Variants in SNED1 observed in about 807,000 individuals in gnomAD.
The protein encoded by SNED1 is sushi, nidogen and EGF-like domain-containing protein 1.
SNED1 carries 81 observed loss-of-function variants against 166.7 expected under a neutral mutation model. The ratio of observed to expected loss-of-function variants is 0.49; its 90% CI spans 0.41 to 0.58. The LOEUF (loss-of-function observed/expected upper bound fraction) is 0.58. SNED1 is among the 20% of genes least tolerant of loss of function. The pLI is 0.00. For synonymous variants in SNED1, 762 were observed against 822.0 expected (o/e 0.93, Z 1.25); for missense variants, 1,604 against 2,000.2 (o/e 0.80, Z 3.78).
At chr2:241,086,239 T>G (rs998002149) in intron 29 of SNED1, among the ~76,000 whole-genome samples, 14 of 152,214 alleles carry the variant, frequency 9.2e-5, no homozygotes, top group African/African-American at 2.7e-4. Flanking sequence ...GTTCAACTCC[T>G]CAGTAGTTCT....
chr2:241,083,951 TTTCC>T (rs2063454278), intron 29 of SNED1, among the ~76,000 whole-genome samples: 1 of 139,880 alleles, frequency 7.1e-6, no homozygotes, highest in South Asian at 2.2e-4. Flanking sequence ...TTTTTTCTTT[TTTCC>T]TGCCTAATTT....
intron 8 of SNED1, among the ~76,000 whole-genome samples, chr2:241,046,971 C>T (rs1207827264): frequency 6.6e-6 from 1 of 151,780 alleles, no homozygotes; most frequent in East Asian, 1.9e-4. Context: ...AGTGAAACCC[C>T]ATCTCTACTA....
At chr2:241,082,774 T>A (rs986875223) in intron 29 of SNED1, among the ~76,000 whole-genome samples, 3 of 152,248 alleles carry the variant, frequency 2.0e-5, no homozygotes, top group Non-Finnish European at 4.4e-5. Context: ...TGATGTGGCC[T>A]TAGGCCCCCC....
intron 1 of SNED1, among the ~76,000 whole-genome samples, chr2:241,003,307 G>C (rs2060129535): frequency 6.6e-6 from 1 of 152,186 alleles, no homozygotes; most frequent in Admixed American, 6.5e-5. Flanking sequence ...CTCAGAATAG[G>C]CCTCAGACGA....
At chr2:241,085,799 A>C (rs1464447737) in intron 29 of SNED1, among the ~76,000 whole-genome samples, 1 of 146,298 alleles carries the variant, frequency 6.8e-6, no homozygotes, top group Non-Finnish European at 1.5e-5. Context: ...GTGGCTTTGG[A>C]GTAGCCTTTA....
In SNED1 at chr2:241,048,767, G is replaced by A. The variant is rs2061740129; in HGVS notation, c.1504+1G>A. The A allele has an allele frequency of 1.2e-6, 2 of 1,606,304 alleles. No individual in the cohort carries two copies. Among genetic ancestry groups the A allele is most frequent in the Admixed American group, 1.7e-5 (1 of 59,238 alleles). On this transcript the variant is annotated splice_donor_variant, in intron 10 of 31. Transcript: ENST00000310397. LOFTEE classifies it high-confidence loss of function. Reference sequence around the variant, plus strand: ...TTCTTTGGGCTTCTCTGTGAATTTGGTAGGTGCCCAGGTCACCCTTCCTGC... The same window carrying A: ...TTCTTTGGGCTTCTCTGTGAATTTGATAGGTGCCCAGGTCACCCTTCCTGC...
At chr2:241,072,743 TAC>T (rs998361296) in intron 26 of SNED1, 4 of 191,716 alleles carry the variant, frequency 2.1e-5, no homozygotes, top group African/African-American at 9.6e-5. Context: ...AGATCTGGAG[TAC>T]AGAGGGGGGC....
intron 30 of SNED1, chr2:241,087,921 T>A (rs948719187): frequency 5.8e-5 from 24 of 415,700 alleles, no homozygotes; most frequent in African/African-American, 4.3e-4. Flanking sequence ...GAATATTATA[T>A]GCTTTAGAAA....
At chr2:241,089,139 G>A (rs2063746760) in intron 31 of SNED1, 1 of 652,050 alleles carries the variant, frequency 1.5e-6, no homozygotes, top group South Asian at 2.2e-5. Context: ...AAGAGACTGG[G>A]ATATACCATA....
chr2:241,043,702 G>T (rs1012041095), intron 8 of SNED1, among the ~76,000 whole-genome samples: 6 of 152,174 alleles, frequency 3.9e-5, no homozygotes, highest in African/African-American at 1.4e-4. Flanking sequence ...CATAAACCAA[G>T]CTGTGCAAAC....
At chr2:241,030,222 C>T in intron 1 of SNED1, 62 bp from the exon 2 acceptor site, 3 of 1,448,688 alleles carry the variant, frequency 2.1e-6, no homozygotes, top group Admixed American at 4.3e-5. Context: ...GGGGAGGCTG[C>T]TGGGCCCACC....
intron 1 of SNED1, among the ~76,000 whole-genome samples, chr2:241,002,209 G>T (rs1042958137): frequency 6.6e-6 from 1 of 152,168 alleles, no homozygotes; most frequent in African/African-American, 2.4e-5. Flanking sequence ...TGTCACGGTT[G>T]TGTGGTCGCC....
rs1321197281 is a variant in SNED1, at chr2:241,011,132, GTCTCCTGGT to G, written c.213+12091_213+12099del. Among the ~76,000 whole-genome samples, 203 of 109,326 alleles carry G rather than the reference GTCTCCTGGT, an allele frequency of 1.9e-3. 1 individual carries two copies. Among genetic ancestry groups the G allele is most frequent in the African/African-American group, 8.4e-3 (179 of 21,422 alleles). The allele number at this position is 109,326 out of a possible 152,430, so 71.7% of individuals were successfully genotyped here. ...CTCCTGGGTCTCCTGGGGGTGGCAG[GTCTCCTGGT>G]TCTCCTGGGTCTCCTGGGGGTGGCA... On this transcript the variant is annotated intron_variant, in intron 1 of 31. Transcript: ENST00000310397.
At position 241,064,753 on chromosome 2, in the gene SNED1, G is replaced by T. The variant is rs538832443; in HGVS notation, c.2600-91G>T. On this transcript the variant is annotated intron_variant, in intron 19 of 31. Coordinates refer to ENST00000310397, the MANE Select transcript of SNED1 (RefSeq NM_001080437.3). The surrounding 1 kb of genome is among the most constrained non-coding windows in gnomAD (Gnocchi z 7.0). ...CCCCCGCCCCTCCACACCCACGCAG[G>T]AGGGACCCAGTGCCCCAGGAGCAAG... is the stretch of plus-strand genomic sequence containing the variant. 1.1e-4 allele frequency: 94 copies of T among 889,630 alleles called. No individual in the cohort carries two copies. In the African/African-American group the frequency reaches 1.4e-3, roughly 13 times the overall value. 55.1% of individuals were successfully genotyped at this position (889,630 alleles called of 1,614,324 possible).
chr2:241,014,577 G>A (rs1218799238), intron 1 of SNED1, among the ~76,000 whole-genome samples: 1 of 152,196 alleles, frequency 6.6e-6, no homozygotes, highest in Non-Finnish European at 1.5e-5. Context: ...TGGAGTGACT[G>A]TTCAAGTGTT....
rs865891437 is a variant in SNED1 at position 241,051,777 on chromosome 2, G to A, written c.1769G>A (p.Arg590Gln). Reference sequence around the variant, plus strand: ...CACCTGTGCAGCTCAGGGCCCTGCCGGAACGGGGGCACGTGCAAGGAGGCG... The same window carrying A: ...CACCTGTGCAGCTCAGGGCCCTGCCAGAACGGGGGCACGTGCAAGGAGGCG... ...RPHLCSSGPC[R>Q]NGGTCKEAGG... The change falls in exon 13 of 32, where the codon CGG becomes CAG. Residue 590 changes from arginine (R) to glutamine (Q), a missense_variant. Transcript: ENST00000310397. This position sits in a 1 kb window ranked among gnomAD's most constrained non-coding sequence, Gnocchi z 4.7. 6.5e-6 allele frequency: 10 copies of A among 1,549,134 alleles called. No individual in the cohort carries two copies. Among genetic ancestry groups the A allele is most frequent in the South Asian group, 1.2e-5 (1 of 82,972 alleles).
chr2:241,023,202 A>G (rs756921458), intron 1 of SNED1, among the ~76,000 whole-genome samples: 1 of 152,128 alleles, frequency 6.6e-6, no homozygotes, highest in Admixed American at 6.5e-5. Context: ...TATAGATACT[A>G]AAATATGCAT....
chr2:241,089,851 C>T (rs751789536), intron 31 of SNED1: 18 of 1,416,052 alleles, frequency 1.3e-5, no homozygotes, highest in South Asian at 9.6e-5. Context: ...AGAGCCCATG[C>T]TCCCGGGCTA....
chr2:241,020,746 G>T (rs2060747448), intron 1 of SNED1, among the ~76,000 whole-genome samples: 1 of 152,178 alleles, frequency 6.6e-6, no homozygotes, highest in South Asian at 2.1e-4. Context: ...GTGGAGTACT[G>T]CCCTGGGTAG....
Sources: gnomAD v4.1 joint callset for allele counts (sites outside exome capture counted in the v4.1 genomes callset) on GRCh38, gnomAD v4.1.1 for gene constraint, Gnocchi (gnomAD v3.1) non-coding constraint, MANE v1.5 for transcripts, NCBI Gene and HGNC (gene_info 2026-07-23, HGNC 2026-07-21) for gene names.